LEMD3: variants seen among roughly 807,000 people sequenced by gnomAD.
The protein encoded by LEMD3 is inner nuclear membrane protein Man1.
LEMD3 carries 33 observed loss-of-function variants against 95.2 expected under a neutral mutation model. The observed-to-expected ratio is 0.35, with a 90% CI of 0.26 to 0.46. The LOEUF (loss-of-function observed/expected upper bound fraction) is 0.46, where lower values mean the gene tolerates loss of function less well. Among genes scored for constraint, LEMD3 ranks in the 20% least tolerant of loss-of-function variants. The pLI, the probability that LEMD3 is intolerant of heterozygous loss-of-function variation, is 1.00. For missense variants in LEMD3, 1,210 were observed against 1,192.8 expected (o/e 1.01, Z -0.21); for synonymous variants, 525 against 474.6 (o/e 1.11, Z -1.38).
At chr12:65,218,191 G>T (rs911195299) in intron 3 of LEMD3, among the ~76,000 whole-genome samples, 1 of 152,142 alleles carries the variant, frequency 6.6e-6, no homozygotes, top group African/African-American at 2.4e-5. Flanking sequence ...TTTCTGGAGG[G>T]CGTCTTGTGT....
Position 65,246,878 on chromosome 12 carries a change from A to G in LEMD3, c.*553A>G, listed in dbSNP as rs183716212. The G allele has an allele frequency of 6.3e-6, 1 of 157,482 alleles. No individual in the cohort carries two copies. Among genetic ancestry groups the G allele is most frequent in the Non-Finnish European group, 1.4e-5 (1 of 71,096 alleles). 9.8% of individuals were successfully genotyped at this position (157,482 alleles called of 1,614,324 possible). ...TACAAATATGTGTAAGTGGATGTAT[A>G]TGTACTTAAACTGGCTTTGTATATA... On this transcript the variant is annotated 3_prime_UTR_variant, in exon 13 of 13. Transcript: ENST00000308330.
At chr12:65,177,764 G>T (rs1868769616) in intron 1 of LEMD3, among the ~76,000 whole-genome samples, 1 of 151,652 alleles carries the variant, frequency 6.6e-6, no homozygotes, top group Non-Finnish European at 1.5e-5. Flanking sequence ...AAGTAGACTA[G>T]CCAAAAGGTC....
At chr12:65,196,780 T>G (rs1869445729) in intron 1 of LEMD3, among the ~76,000 whole-genome samples, 1 of 152,104 alleles carries the variant, frequency 6.6e-6, no homozygotes, top group African/African-American at 2.4e-5. Flanking sequence ...AGTGATGAAC[T>G]CAAGGGGCTC....
intron 1 of LEMD3, among the ~76,000 whole-genome samples, chr12:65,198,069 G>A (rs538369645): frequency 6.6e-6 from 1 of 152,078 alleles, no homozygotes; most frequent in South Asian, 2.1e-4. Context: ...GTGCACATTT[G>A]TGCACATCAC....
chr12:65,179,668 AAT>A (rs1868840303), intron 1 of LEMD3, among the ~76,000 whole-genome samples: 1 of 152,326 alleles, frequency 6.6e-6, no homozygotes, highest in South Asian at 2.1e-4. Context: ...TGCTGGGCTT[AAT>A]ACCTAGGTGA....
intron 4 of LEMD3, among the ~76,000 whole-genome samples, chr12:65,225,456 G>A (rs1870418758): frequency 6.6e-6 from 1 of 152,160 alleles, no homozygotes; most frequent in Admixed American, 6.5e-5. Context: ...TTTTGCCTGT[G>A]AATTTCCAAT....
intron 1 of LEMD3, among the ~76,000 whole-genome samples, chr12:65,187,125 A>G (rs1263518194): frequency 6.6e-6 from 1 of 152,142 alleles, no homozygotes; most frequent in Admixed American, 6.6e-5. Flanking sequence ...TGGTTTTGCC[A>G]TATAAGATCA....
chr12:65,206,431 A>G (rs974598412), intron 1 of LEMD3, among the ~76,000 whole-genome samples: 6 of 152,182 alleles, frequency 3.9e-5, no homozygotes, highest in Non-Finnish European at 5.9e-5. Context: ...GGGCTTATAT[A>G]TATTTATTTT....
At chr12:65,195,296 AAC>A (rs1369503388) in intron 1 of LEMD3, among the ~76,000 whole-genome samples, 1 of 152,122 alleles carries the variant, frequency 6.6e-6, no homozygotes, top group Non-Finnish European at 1.5e-5. Context: ...ACAAAAATGT[AAC>A]ACATGTACGT....
At position 65,170,521 on chromosome 12, in the gene LEMD3, T is replaced by G. The variant is rs930843566; in HGVS notation, c.925T>G (p.Ser309Ala). The G allele has an allele frequency of 6.2e-7, 1 of 1,613,974 alleles. No homozygotes were observed. The highest frequency in any genetic ancestry group is 8.5e-7 in the Non-Finnish European group (1 of 1,179,986). ...ATCGGCCGGCGGCAGGCTGGAGACT[T>G]CAGTTCAGGGAGGGGGAGGACTCGC... is the stretch of plus-strand genomic sequence containing the variant. ...AKSAGGRLETSVQGGGGLAMN... is the reference protein window; with the variant it reads ...AKSAGGRLETAVQGGGGLAMN... The change falls in exon 1 of 13, where the codon TCA (serine) becomes GCA (alanine). Residue 309 changes from serine (S) to alanine (A), a missense_variant. Physicochemically the swap from Ser to Ala is moderately conservative, Grantham distance 99 (BLOSUM62 1). Coordinates refer to ENST00000308330, the MANE Select transcript of LEMD3 (RefSeq NM_014319.5).
chr12:65,226,617 A>G (rs1251695201), intron 4 of LEMD3, among the ~76,000 whole-genome samples: 1 of 152,218 alleles, frequency 6.6e-6, no homozygotes, highest in Non-Finnish European at 1.5e-5. Flanking sequence ...AACTTAATGC[A>G]TGACTTATAT....
At chr12:65,199,756 A>G (rs1454095240) in intron 1 of LEMD3, among the ~76,000 whole-genome samples, 1 of 152,092 alleles carries the variant, frequency 6.6e-6, no homozygotes, top group East Asian at 1.9e-4. Flanking sequence ...TTTTATGGAC[A>G]TAAAGTTGTC....
chr12:65,209,750 A>AT (rs201480469), intron 1 of LEMD3, among the ~76,000 whole-genome samples: 15 of 151,292 alleles, frequency 9.9e-5, no homozygotes, highest in African/African-American at 2.4e-4. Context: ...AACAGGATAC[A>AT]TTTTTTTTTC....
At chr12:65,232,587 A>C (rs1477044909) in intron 4 of LEMD3, among the ~76,000 whole-genome samples, 1 of 152,200 alleles carries the variant, frequency 6.6e-6, no homozygotes, top group African/African-American at 2.4e-5. Flanking sequence ...AATTTAAATA[A>C]TTTAAACACT....
chr12:65,171,921 TA>T (rs1868562496), intron 1 of LEMD3: 3 of 152,368 alleles, frequency 2.0e-5, no homozygotes, highest in South Asian at 2.1e-4. Flanking sequence ...TACACAACTT[TA>T]TTTTTTTTCC....
rs560818507 is a variant in LEMD3, at chr12:65,200,080, G to A, written c.1523-10846G>A. 3.6e-4 allele frequency among the ~76,000 whole-genome samples: 55 copies of A among 151,652 alleles called. No homozygotes were observed. In the South Asian group the frequency reaches 0.011, roughly 32 times the overall value. On this transcript the variant is annotated intron_variant, in intron 1 of 12. Transcript: ENST00000308330. ...CCCCTCTGCCACCTTCTGCATTGCA[G>A]ATGAGAAATGGAAAGTACCTTTGAT...
intron 1 of LEMD3, among the ~76,000 whole-genome samples, chr12:65,201,208 A>C (rs561650932): frequency 1.1e-4 from 16 of 152,280 alleles, no homozygotes; most frequent in African/African-American, 3.8e-4. Flanking sequence ...GTAACTTTAG[A>C]TAAGTCTTGA....
At chr12:65,174,437 T>C (rs905319821) in intron 1 of LEMD3, among the ~76,000 whole-genome samples, 17 of 152,166 alleles carry the variant, frequency 1.1e-4, no homozygotes, top group African/African-American at 2.9e-4. Flanking sequence ...CAGAATAGAT[T>C]GACTGTCCTA....
At chr12:65,217,684 GCTT>G (rs959473931) in intron 3 of LEMD3, among the ~76,000 whole-genome samples, 1 of 152,182 alleles carries the variant, frequency 6.6e-6, no homozygotes, top group Middle Eastern at 3.4e-3. Context: ...CCCTGAATTC[GCTT>G]CTTATCAACA....
Sources: gnomAD v4.1 joint callset for allele counts (sites outside exome capture counted in the v4.1 genomes callset) on GRCh38, gnomAD v4.1.1 for gene constraint, MANE v1.5 for transcripts, NCBI Gene and HGNC (gene_info 2026-07-23, HGNC 2026-07-21) for gene names.